The following MAGI1 variants were observed in gnomAD, a reference collection of about 807,000 sequenced individuals.
The protein encoded by MAGI1 is membrane associated guanylate kinase, WW and PDZ domain containing 1.
MAGI1 carries 58 observed loss-of-function variants against 139.9 expected under a neutral mutation model. The ratio of observed to expected loss-of-function variants is 0.41; its 90% CI spans 0.34 to 0.52. The LOEUF (loss-of-function observed/expected upper bound fraction) is 0.52. Ranked by LOEUF, MAGI1 falls within the 20% of genes least tolerant of loss-of-function variation. The pLI, the probability that MAGI1 is intolerant of heterozygous loss-of-function variation, is 0.12. For missense variants in MAGI1, 1,874 were observed against 1,901.6 expected, an observed-to-expected ratio of 0.99 and a Z score of 0.27; for synonymous variants, 812 against 737.9, an observed-to-expected ratio of 1.10 and a Z score of -1.63.
intron 1 of MAGI1, among the ~76,000 whole-genome samples, chr3:66,003,333 G>A (rs1259852728): frequency 6.6e-6 from 1 of 152,112 alleles, no homozygotes; most frequent in Non-Finnish European, 1.5e-5. Flanking sequence ...AATGGAGAGT[G>A]GAGATTTGGC....
chr3:65,489,594 C>T (rs1380468006), intron 3 of MAGI1, among the ~76,000 whole-genome samples: 5 of 151,952 alleles, frequency 3.3e-5, no homozygotes, highest in Admixed American at 2.6e-4. Flanking sequence ...CAGATAGATA[C>T]ATAGATAGAT....
intron 1 of MAGI1, among the ~76,000 whole-genome samples, chr3:66,005,393 G>A (rs1339481922): frequency 6.6e-6 from 1 of 152,130 alleles, no homozygotes; most frequent in African/African-American, 2.4e-5. Flanking sequence ...ATGTTTTAAG[G>A]ACAAAATAGG....
chr3:65,655,912 CATGTTATTTAACAGAAATA>C (rs1473871555), intron 1 of MAGI1, among the ~76,000 whole-genome samples: 1 of 152,170 alleles, frequency 6.6e-6, no homozygotes, highest in Non-Finnish European at 1.5e-5. Flanking sequence ...TGTGAGAAGT[CATGTTATTTAACAGAAATA>C]ATCTTTTCAG....
Position 66,038,548 on chromosome 3 carries a change from C to T in MAGI1, c.-240G>A. On this transcript the variant is annotated 5_prime_UTR_variant, in exon 1 of 23. Coordinates refer to ENST00000402939, the MANE Select transcript of MAGI1 (RefSeq NM_001033057.2). ...GGCGCCCGCGAGCTTTGTTTGCATT[C>T]CGGTGCCTCTGGGTCCACGTTCCGG... 4.0e-6 allele frequency: 2 copies of T among 504,810 alleles called. No individual in the cohort carries two copies. The highest frequency in any genetic ancestry group is 3.3e-6 in the Non-Finnish European group (1 of 301,196). The allele number at this position is 504,810 out of a possible 1,614,324, so 31.3% of individuals were successfully genotyped here. A position where few individuals can be genotyped will look rare whatever the true frequency, so the allele number is the denominator to read the frequency against.
rs567570335 is a variant in MAGI1 at position 65,677,115 on chromosome 3, A to G, written c.314-55027T>C. 2.6e-5 allele frequency among the ~76,000 whole-genome samples: 4 copies of G among 152,326 alleles called. No homozygotes were observed. In the East Asian group the frequency reaches 7.7e-4, roughly 29 times the overall value. ...TTCAGGGTAGTTTAAGATTAGGAGA[A>G]CGTGCAGACATTATAGTTTTTGAAG... On this transcript the variant is annotated intron_variant, in intron 1 of 22. Transcript: ENST00000402939.
At chr3:65,423,845 C>A (rs1946809662) in intron 12 of MAGI1, among the ~76,000 whole-genome samples, 1 of 152,148 alleles carries the variant, frequency 6.6e-6, no homozygotes, top group South Asian at 2.1e-4. Flanking sequence ...ACTGTAGAAG[C>A]ATTTATTGTT....
chr3:66,025,397 G>C (rs2068198600), intron 1 of MAGI1, among the ~76,000 whole-genome samples: 1 of 152,066 alleles, frequency 6.6e-6, no homozygotes, highest in Non-Finnish European at 1.5e-5. Context: ...TTAATTATTT[G>C]GGCACGGTGG....
intron 10 of MAGI1, 57 bp from the exon 11 acceptor site, chr3:65,430,938 AACAAGATTTGAG>A (rs1423467319): frequency 3.6e-5 from 55 of 1,520,112 alleles, no homozygotes; most frequent in Non-Finnish European, 4.4e-5. Flanking sequence ...AGGAGAATTA[AACAAGATTTGAG>A]ACAACATATA....
intron 1 of MAGI1, among the ~76,000 whole-genome samples, chr3:65,988,450 G>A (rs988070801): frequency 7.9e-5 from 12 of 152,096 alleles, no homozygotes; most frequent in South Asian, 2.1e-4. Flanking sequence ...AGCCATCAGC[G>A]GCTGCAAGGC....
intron 1 of MAGI1, among the ~76,000 whole-genome samples, chr3:65,955,681 G>C (rs1043687389): frequency 2.0e-5 from 3 of 151,998 alleles, no homozygotes; most frequent in African/African-American, 4.8e-5. Context: ...AAATTGTCTT[G>C]TAATTCTTAT....
chr3:65,857,196 A>C (rs1300463620), intron 1 of MAGI1, among the ~76,000 whole-genome samples: 1 of 112,948 alleles, frequency 8.9e-6, no homozygotes, highest in Non-Finnish European at 2.0e-5. Flanking sequence ...CAGGAAACAG[A>C]GCTAATCTTT....
At chr3:65,800,988 C>G (rs2040478364) in intron 1 of MAGI1, among the ~76,000 whole-genome samples, 1 of 152,194 alleles carries the variant, frequency 6.6e-6, no homozygotes, top group East Asian at 1.9e-4. Flanking sequence ...CAGGTGCTCA[C>G]AGGCAAATCT....
chr3:65,891,361 A>G, intron 1 of MAGI1, among the ~76,000 whole-genome samples: 1 of 152,162 alleles, frequency 6.6e-6, no homozygotes. Flanking sequence ...CACCTATTAC[A>G]AATCTGGTAA....
At chr3:65,511,683 T>C (rs2077602970) in intron 2 of MAGI1, among the ~76,000 whole-genome samples, 1 of 148,750 alleles carries the variant, frequency 6.7e-6, no homozygotes, top group Admixed American at 6.7e-5. Flanking sequence ...CAAAGAGACT[T>C]AGACTCCCAC....
chr3:65,435,554 T>C (rs1947789717), intron 10 of MAGI1, among the ~76,000 whole-genome samples: 1 of 152,090 alleles, frequency 6.6e-6, no homozygotes, highest in South Asian at 2.1e-4. Context: ...AGAAAATGTA[T>C]ATCAAGGGAT....
At chr3:65,953,093 G>C (rs746302651) in intron 1 of MAGI1, among the ~76,000 whole-genome samples, 4 of 152,122 alleles carry the variant, frequency 2.6e-5, no homozygotes, top group Admixed American at 6.5e-5. Flanking sequence ...TTCCAACAGA[G>C]AGCAGCTGCC....
intron 1 of MAGI1, among the ~76,000 whole-genome samples, chr3:65,995,975 G>A (rs1033196243): frequency 6.6e-6 from 1 of 152,118 alleles, no homozygotes; most frequent in Non-Finnish European, 1.5e-5. Flanking sequence ...TCTAGGCTGG[G>A]TGACAGAGAA....
intron 2 of MAGI1, among the ~76,000 whole-genome samples, chr3:65,580,003 C>T (rs1478993350): frequency 2.0e-5 from 3 of 152,052 alleles, no homozygotes; most frequent in African/African-American, 7.2e-5. Context: ...ACTATTAGCT[C>T]TCTGAGGGCA....
intron 1 of MAGI1, among the ~76,000 whole-genome samples, chr3:65,933,599 G>A (rs1217599322): frequency 2.0e-5 from 3 of 151,078 alleles, no homozygotes; most frequent in African/African-American, 4.9e-5. Flanking sequence ...CTCAGCTTAG[G>A]AGGAGTCCAT....
Sources: allele counts gnomAD v4.1 joint callset (sites outside exome capture counted in the v4.1 genomes callset), GRCh38; gene constraint gnomAD v4.1.1; transcripts MANE v1.5; gene names NCBI Gene and HGNC (gene_info 2026-07-23, HGNC 2026-07-21).